Variants in ROCK2 observed in about 807,000 individuals in gnomAD.
The protein encoded by ROCK2 is Rho associated coiled-coil containing protein kinase 2.
In ROCK2, 61 loss-of-function variants were observed where a neutral mutation model predicts 195.1. The observed-to-expected ratio is 0.31, with a 90% CI of 0.25 to 0.39. ROCK2 has a LOEUF of 0.39. Ranked by LOEUF, ROCK2 falls within the 10% of genes least tolerant of loss-of-function variation. ROCK2 has a pLI of 1.00. For missense variants in ROCK2, 1,109 were observed against 1,637.4 expected, an observed-to-expected ratio of 0.68 and a Z score of 5.57; for synonymous variants, 504 against 545.5, an observed-to-expected ratio of 0.92 and a Z score of 1.06.
rs1666222119 is a variant in ROCK2 at position 11,261,443 on chromosome 2, C to T, written c.325-11645G>A. Among the ~76,000 whole-genome samples the T allele has an allele frequency of 2.0e-5, 3 of 152,150 alleles. 1 individual carries two copies. Among genetic ancestry groups the T allele is most frequent in the South Asian group, 2.1e-4 (1 of 4,824 alleles). On this transcript the variant is annotated intron_variant, in intron 3 of 32. Transcript: ENST00000315872. ...TCCCTTTATTCTTCAACTCCTTCTC[C>T]TTTATTCAATACAGATGGACACACA...
Position 11,235,941 on chromosome 2 carries a change from C to A in ROCK2, c.484G>T (p.Asp162Tyr). 1 of 1,493,864 alleles carries A rather than the reference C, an allele frequency of 6.7e-7. No individual in the cohort carries two copies. The highest frequency in any genetic ancestry group is 8.9e-7 in the Non-Finnish European group (1 of 1,119,312). 92.5% of individuals were successfully genotyped at this position (1,493,864 alleles called of 1,614,324 possible). A position where few individuals can be genotyped will look rare whatever the true frequency, so the allele number is the denominator to read the frequency against. Residue 162 changes from aspartate to tyrosine, a missense_variant, in exon 5 of 33, where the codon GAT becomes TAT. By Grantham distance (160) the Asp-to-Tyr change is radical (BLOSUM62 -3). This residue lies in a region of ROCK2 where 253 missense variants were observed against 455.5 expected (regional missense o/e 0.56). Coordinates refer to ENST00000315872, the MANE Select transcript of ROCK2 (RefSeq NM_004850.5). This position sits in a 1 kb window ranked among gnomAD's most constrained non-coding sequence, Gnocchi z 4.2. ...VVQLFYAFQD[D>Y]RYLYMVMEYM... ...TCCATTACCATGTACAGATACCTAT[C>A]ATCTTGAAAGGCATAAAAAAGCTGG...
intron 32 of ROCK2, among the ~76,000 whole-genome samples, chr2:11,190,014 A>ATAC (rs1663356756): frequency 1.3e-5 from 2 of 152,056 alleles, no homozygotes; most frequent in Non-Finnish European, 2.9e-5. Context: ...AATAATAATA[A>ATAC]TAAAATGCAG....
chr2:11,303,501 C>G (rs1182889095), intron 1 of ROCK2, among the ~76,000 whole-genome samples: 1 of 152,152 alleles, frequency 6.6e-6, no homozygotes, highest in Admixed American at 6.5e-5. Flanking sequence ...TTCCCTCTTG[C>G]TCATTAACAC....
chr2:11,310,909 C>CAA (rs1558382608), intron 1 of ROCK2, among the ~76,000 whole-genome samples: 1 of 151,674 alleles, frequency 6.6e-6, no homozygotes, highest in African/African-American at 2.4e-5. Flanking sequence ...GAAGATTTCA[C>CAA]CTCTGTGAGA....
chr2:11,333,517 G>T (rs1468787038), intron 1 of ROCK2, among the ~76,000 whole-genome samples: 5 of 152,072 alleles, frequency 3.3e-5, no homozygotes, highest in Admixed American at 1.3e-4. Flanking sequence ...AAAAGCACCT[G>T]CATGTATTAG....
intron 1 of ROCK2, among the ~76,000 whole-genome samples, chr2:11,301,432 C>A (rs1667700386): frequency 6.6e-6 from 1 of 151,984 alleles, no homozygotes. Flanking sequence ...AAATAGCCAG[C>A]ATCTTAGTAT....
chr2:11,262,329 T>C (rs879388139), intron 3 of ROCK2, among the ~76,000 whole-genome samples: 9 of 152,212 alleles, frequency 5.9e-5, no homozygotes, highest in Non-Finnish European at 1.3e-4. Flanking sequence ...TGGTAATTTT[T>C]ATTCTTATTT....
chr2:11,199,444 A>G (rs1050137631), intron 23 of ROCK2, among the ~76,000 whole-genome samples: 3 of 151,254 alleles, frequency 2.0e-5, no homozygotes, highest in African/African-American at 7.3e-5. Context: ...AGCCCCCATG[A>G]GTAGCTAGCT....
intron 3 of ROCK2, among the ~76,000 whole-genome samples, chr2:11,261,771 T>A (rs1666235950): frequency 6.6e-6 from 1 of 152,070 alleles, no homozygotes; most frequent in Non-Finnish European, 1.5e-5. Context: ...GATGCAGTGA[T>A]CCGAGATCAC....
In ROCK2 at chr2:11,183,250, C is replaced by T; in HGVS notation, c.*187G>A. 2 of 502,830 alleles carry T rather than the reference C, an allele frequency of 4.0e-6. No homozygotes were observed. Among genetic ancestry groups the T allele is most frequent in the Non-Finnish European group, 7.2e-6 (2 of 278,450 alleles). 31.1% of individuals were successfully genotyped at this position (502,830 alleles called of 1,614,324 possible). A position where few individuals can be genotyped will look rare whatever the true frequency, so the allele number is the denominator to read the frequency against. The stretch of plus-strand genomic sequence containing the variant: ...CAATCATTGTTGGTTCAACCTGTTG[C>T]TTCAAAGGAGCCCAGATTTGTAATT... On this transcript the variant is annotated 3_prime_UTR_variant, in exon 33 of 33. Transcript: ENST00000315872.
intron 1 of ROCK2, among the ~76,000 whole-genome samples, chr2:11,326,155 G>T (rs1222030736): frequency 1.3e-5 from 2 of 152,022 alleles, no homozygotes; most frequent in Non-Finnish European, 2.9e-5. Flanking sequence ...CTCTCAGATG[G>T]ATAAAATGGA....
rs552484034 is a variant in ROCK2, at chr2:11,255,648, A to G, written c.325-5850T>C. Among the ~76,000 whole-genome samples the G allele has an allele frequency of 1.9e-4, 28 of 151,178 alleles. No individual in the cohort carries two copies. The South Asian group carries it at 5.8e-3, about 31-fold the overall frequency. ...GAAAAATGGAAACTAGGCCGGGTGC[A>G]GTGGCTCACACCTGTGATCCCAGCA... On this transcript the variant is annotated intron_variant, in intron 3 of 32. Transcript: ENST00000315872.
chr2:11,332,171 A>C (rs902780856), intron 1 of ROCK2, among the ~76,000 whole-genome samples: 1 of 152,152 alleles, frequency 6.6e-6, no homozygotes, highest in African/African-American at 2.4e-5. Flanking sequence ...AATTAAAAAA[A>C]TAAAAAAGAG....
chr2:11,226,507 C>G (rs113742652), intron 6 of ROCK2, among the ~76,000 whole-genome samples: 2 of 151,970 alleles, frequency 1.3e-5, no homozygotes, highest in Non-Finnish European at 2.9e-5. Flanking sequence ...CAGTTGTTTA[C>G]GAAATCAATT....
intron 3 of ROCK2, among the ~76,000 whole-genome samples, chr2:11,271,981 C>G (rs1666649996): frequency 6.7e-6 from 1 of 148,334 alleles, no homozygotes; most frequent in Admixed American, 6.9e-5. Context: ...GATCACACCA[C>G]TGCACTCCAG....
chr2:11,276,595 A>G (rs2148176351), intron 3 of ROCK2, among the ~76,000 whole-genome samples: 1 of 152,352 alleles, frequency 6.6e-6, no homozygotes, highest in South Asian at 2.1e-4. Flanking sequence ...TACCCAAAAC[A>G]ACCTAGAGTC....
At chr2:11,270,687 A>G (rs1294199037) in intron 3 of ROCK2, among the ~76,000 whole-genome samples, 2 of 152,222 alleles carry the variant, frequency 1.3e-5, no homozygotes, top group Non-Finnish European at 2.9e-5. Context: ...TTTGATCTCT[A>G]GAATTTATTT....
intron 1 of ROCK2, among the ~76,000 whole-genome samples, chr2:11,303,269 T>G (rs1168689163): frequency 6.6e-6 from 1 of 152,218 alleles, no homozygotes; most frequent in Non-Finnish European, 1.5e-5. Flanking sequence ...ATAAAAGTTA[T>G]TTTTGTACAC....
intron 1 of ROCK2, among the ~76,000 whole-genome samples, chr2:11,316,133 A>C (rs533861510): frequency 6.6e-6 from 1 of 152,148 alleles, no homozygotes; most frequent in Non-Finnish European, 1.5e-5. Context: ...TAGCACTCCA[A>C]CTTGAGAAGT....
Sources: allele counts gnomAD v4.1 joint callset (sites outside exome capture counted in the v4.1 genomes callset), GRCh38; gene constraint gnomAD v4.1.1; regional missense constraint gnomAD v4.1.1; non-coding constraint Gnocchi (gnomAD v3.1); transcripts MANE v1.5; gene names NCBI Gene and HGNC (gene_info 2026-07-23, HGNC 2026-07-21).